Variants in SETD1B observed in about 807,000 individuals in gnomAD.
The protein encoded by SETD1B is SET domain containing 1B, histone lysine methyltransferase.
A neutral mutation model predicts 148.0 loss-of-function variants in SETD1B; 7 were observed. That is an observed-to-expected ratio of 0.05 (90% confidence interval 0.03 to 0.09). The LOEUF (loss-of-function observed/expected upper bound fraction) is 0.09, where lower values mean the gene tolerates loss of function less well. Among genes scored for constraint, SETD1B ranks in the 10% least tolerant of loss-of-function variants. The pLI is 1.00. For synonymous variants in SETD1B, 1,361 were observed against 1,186.5 expected, an observed-to-expected ratio of 1.15 and a Z score of -3.02; for missense variants, 2,155 against 2,729.9, an observed-to-expected ratio of 0.79 and a Z score of 4.69.
intron 4 of SETD1B, among the ~76,000 whole-genome samples, chr12:121,806,742 T>C (rs1213372806): frequency 6.6e-6 from 1 of 152,146 alleles, no homozygotes; most frequent in East Asian, 1.9e-4. Flanking sequence ...CCCTCCTCTC[T>C]CTTAAAGAGA....
the SETD1B span, chr12:121,793,124 G>C: frequency 6.5e-7 from 1 of 1,543,242 alleles, no homozygotes. Context: ...GCGGACCCTC[G>C]GGCCCCCCGG....
chr12:121,798,219 ACCATGGGTG>A, the SETD1B span, among the ~76,000 whole-genome samples: 32 of 152,304 alleles, frequency 2.1e-4, no homozygotes, highest in Non-Finnish European at 7.4e-5. Flanking sequence ...TTCTCCCCGG[ACCATGGGTG>A]GGTGACCCAA....
Position 121,831,628 on chromosome 12 carries a change from AAG to A in SETD1B, c.*1390_*1391del, listed in dbSNP as rs375298168. The A allele has an allele frequency of 1.3e-5, 2 of 152,130 alleles. No individual in the cohort carries two copies. Among genetic ancestry groups the A allele is most frequent in the African/African-American group, 4.8e-5 (2 of 41,544 alleles). 9.4% of individuals were successfully genotyped at this position (152,130 alleles called of 1,614,324 possible). On this transcript the variant is annotated 3_prime_UTR_variant, in exon 17 of 17. Transcript: ENST00000604567. Reference sequence around the variant, plus strand: ...TCATTTCTTTGTACTTCCAAAAAAAAAGGAAAAAAAAGACAAAAGCAAGTCCC... The same window carrying A: ...TCATTTCTTTGTACTTCCAAAAAAAAGAAAAAAAAGACAAAAGCAAGTCCC...
chr12:121,824,579 A>C lies in SETD1B; in HGVS notation c.5171-621A>C, dbSNP rs569843316. On this transcript the variant is annotated intron_variant, in intron 12 of 16. Coordinates refer to ENST00000604567, the MANE Select transcript of SETD1B (RefSeq NM_001353345.2). The stretch of plus-strand genomic sequence containing the variant: ...GGAGAATTGCTTGAACCCGGGAGGC[A>C]CAGGTTGTAGTGAGCCAAGATCGCA... 2.0e-5 allele frequency among the ~76,000 whole-genome samples: 3 copies of C among 152,210 alleles called. No homozygotes were observed. The South Asian group carries it at 6.2e-4, about 32-fold the overall frequency.
At chr12:121,796,107 G>A in the SETD1B span, 1 of 152,628 alleles carries the variant, frequency 6.6e-6, no homozygotes, top group Non-Finnish European at 1.5e-5. Flanking sequence ...AGCCAAGCCA[G>A]CTGCTCAGAG....
intron 11 of SETD1B, among the ~76,000 whole-genome samples, chr12:121,820,768 C>T (rs1396339015): frequency 6.6e-6 from 1 of 152,206 alleles, no homozygotes; most frequent in Non-Finnish European, 1.5e-5. Flanking sequence ...CTCCTGACCT[C>T]ATGATCCACC....
chr12:121,826,869 G>A (rs1216538529), intron 13 of SETD1B, among the ~76,000 whole-genome samples: 1 of 152,070 alleles, frequency 6.6e-6, no homozygotes, highest in Non-Finnish European at 1.5e-5. Flanking sequence ...GGGGTGCTGG[G>A]AAGCTGGACA....
chr12:121,817,263 G>T lies in SETD1B; in HGVS notation c.2946G>T (p.Arg982=). ...CATCTGGCGACCAGAAGCGGCTGCG[G>T]CCCTCGACCTCTGTGGATGAGGAAG... The part of the protein sequence containing the change: ...TTSSGDQKRL[R]PSTSVDEEDE... The change falls in exon 8 of 17, where the codon CGG becomes CGT. Residue 982 remains arginine, a synonymous_variant. Coordinates refer to ENST00000604567, the MANE Select transcript of SETD1B (RefSeq NM_001353345.2). This position sits in a 1 kb window ranked among gnomAD's most constrained non-coding sequence, Gnocchi z 8.1. 6.4e-7 allele frequency: 1 copy of T among 1,550,932 alleles called. No homozygotes were observed. The highest frequency in any genetic ancestry group is 8.7e-7 in the Non-Finnish European group (1 of 1,146,922).
At chr12:121,827,421 G>A (rs138753979) in intron 13 of SETD1B, 98 bp from the exon 14 acceptor site, 14 of 1,396,828 alleles carry the variant, frequency 1.0e-5, no homozygotes, top group South Asian at 4.6e-5. Context: ...CCAGAGCAAG[G>A]AGCCCAGGAC....
At position 121,804,935 on chromosome 12, in the gene SETD1B, A is replaced by T; in HGVS notation, c.174+24A>T. On this transcript the variant is annotated intron_variant, in intron 2 of 16. Coordinates refer to ENST00000604567, the MANE Select transcript of SETD1B (RefSeq NM_001353345.2). This position sits in a 1 kb window ranked among gnomAD's most constrained non-coding sequence, Gnocchi z 4.6. ...CGGTGAGTAGCCGGCGCGCCCCCCC[A>T]GCCGTGCCCCGCGTCGTGTCCGGGG... 6.8e-7 allele frequency: 1 copy of T among 1,479,354 alleles called. No homozygotes were observed. The highest frequency in any genetic ancestry group is 9.0e-7 in the Non-Finnish European group (1 of 1,111,648). 91.6% of individuals were successfully genotyped at this position (1,479,354 alleles called of 1,614,324 possible). A position where few individuals can be genotyped will look rare whatever the true frequency, so the allele number is the denominator to read the frequency against.
At chr12:121,825,064 G>T (rs1244202088) in intron 12 of SETD1B, 136 bp from the exon 13 acceptor site, 1 of 847,192 alleles carries the variant, frequency 1.2e-6, no homozygotes, top group Non-Finnish European at 1.8e-6. Flanking sequence ...GCAGCCACGT[G>T]GAGGTGGCAT....
intron 4 of SETD1B, 114 bp downstream of exon 4, chr12:121,806,219 C>T (rs541225332): frequency 4.2e-6 from 5 of 1,193,706 alleles, no homozygotes; most frequent in Middle Eastern, 2.8e-4. Flanking sequence ...GATCCCCCCC[C>T]ACAACCTTAT....
At chr12:121,806,831 G>T (rs1875768532) in intron 4 of SETD1B, among the ~76,000 whole-genome samples, 1 of 152,200 alleles carries the variant, frequency 6.6e-6, no homozygotes, top group Non-Finnish European at 1.5e-5. Context: ...CCACCCTGTG[G>T]GTCTTCGGAG....
chr12:121,805,905 G>A lies in SETD1B; in HGVS notation c.344G>A (p.Arg115His). 6.4e-7 allele frequency: 1 copy of A among 1,551,540 alleles called. No homozygotes were observed. The highest frequency in any genetic ancestry group is 8.7e-7 in the Non-Finnish European group (1 of 1,146,970). The stretch of plus-strand genomic sequence containing the variant: ...TTTGCCAAGCTGAATGATAACATCC[G>A]TGAAAACTTCCTGAGGGACATGTGC... ...VTFAKLNDNIRENFLRDMCKK... is the reference protein window; with the variant it reads ...VTFAKLNDNIHENFLRDMCKK... The change falls in exon 4 of 17, where the codon CGT (arginine) becomes CAT (histidine). Residue 115 changes from arginine (R) to histidine (H), a missense_variant. Arg to His is a conservative substitution (Grantham distance 29). Around this residue, in one of 11 missense-constraint regions of SETD1B, gnomAD observed 124 missense variants for 282.9 expected, o/e 0.44. Transcript: ENST00000604567. The surrounding 1 kb of genome is among the most constrained non-coding windows in gnomAD (Gnocchi z 4.2).
At position 121,823,662 on chromosome 12, in the gene SETD1B, C is replaced by G. The variant is rs192346119; in HGVS notation, c.5083C>G (p.Arg1695Gly). The G allele has an allele frequency of 1.0e-4, 155 of 1,551,596 alleles. 3 individuals carry two copies. The highest frequency in any genetic ancestry group is 1.7e-6 in the Non-Finnish European group (2 of 1,146,984). ...CGGTGGCATCGATGAGGAGGACATC[C>G]GCTTCCTGTGTGTCACCTACGAGCG... ...WNGGIDEEDIRFLCVTYERLL... is the reference protein window; with the variant it reads ...WNGGIDEEDIGFLCVTYERLL... Residue 1695 changes from arginine (R) to glycine (G), a missense_variant, in exon 12 of 17, where the codon CGC (arginine) becomes GGC (glycine). This residue lies in a region of SETD1B where 96 missense variants were observed against 148.7 expected (regional missense o/e 0.65). Transcript: ENST00000604567.
In SETD1B at chr12:121,810,417, G is replaced by T. The variant is rs1875973231; in HGVS notation, c.1472G>T (p.Gly491Val). Residue 491 changes from glycine (G) to valine (V), a missense_variant, in exon 6 of 17, where the codon GGG becomes GTG. Gly to Val is a moderately radical substitution (Grantham distance 109). This residue lies in a region of SETD1B where 376 missense variants were observed against 385.0 expected (regional missense o/e 0.98). Coordinates refer to ENST00000604567, the MANE Select transcript of SETD1B (RefSeq NM_001353345.2). The surrounding 1 kb of genome is among the most constrained non-coding windows in gnomAD (Gnocchi z 7.6). The stretch of plus-strand genomic sequence containing the variant: ...CCCACGCTGGAGTCGTCCCCTGCAG[G>T]GCCAGAGAAACCCCACGACAGCCTG... ...GTPTLESSPA[G>V]PEKPHDSLDS... The T allele has an allele frequency of 7.7e-6, 12 of 1,549,136 alleles. No individual in the cohort carries two copies. The highest frequency in any genetic ancestry group is 9.6e-6 in the Non-Finnish European group (11 of 1,146,952).
intron 13 of SETD1B, 149 bp from the exon 14 acceptor site, chr12:121,827,370 G>A: frequency 5.4e-6 from 5 of 920,866 alleles, no homozygotes; most frequent in Non-Finnish European, 6.3e-6. Context: ...GGAGGAGGCA[G>A]GGAAGCGGTG....
At chr12:121,806,653 C>CGCCGGGGAAGAGCAGA (rs997046010) in intron 4 of SETD1B, among the ~76,000 whole-genome samples, 5 of 152,182 alleles carry the variant, frequency 3.3e-5, no homozygotes, top group African/African-American at 1.2e-4. Context: ...TCGACAGAGC[C>CGCCGGGGAAGAGCAGA]GCCGGGGAAG....
chr12:121,805,348 G>A lies in SETD1B; in HGVS notation c.273+132G>A, dbSNP rs1446714405. 1.4e-6 allele frequency: 1 copy of A among 736,654 alleles called. No individual in the cohort carries two copies. Among genetic ancestry groups the A allele is most frequent in the Admixed American group, 2.5e-5 (1 of 39,408 alleles). 45.6% of individuals were successfully genotyped at this position (736,654 alleles called of 1,614,324 possible). On this transcript the variant is annotated intron_variant, in intron 3 of 16. Coordinates refer to ENST00000604567, the MANE Select transcript of SETD1B (RefSeq NM_001353345.2). This position sits in a 1 kb window ranked among gnomAD's most constrained non-coding sequence, Gnocchi z 4.2. ...GGGCCAGGGAAGTTTTGGCGGGGAG[G>A]GGTAGAGCGCTGGCGAGAGGGTGTC...
Sources: allele counts gnomAD v4.1 joint callset (sites outside exome capture counted in the v4.1 genomes callset), GRCh38; gene constraint gnomAD v4.1.1; regional missense constraint gnomAD v4.1.1; non-coding constraint Gnocchi (gnomAD v3.1); transcripts MANE v1.5; gene names NCBI Gene and HGNC (gene_info 2026-07-23, HGNC 2026-07-21).